PBX3: variants seen among roughly 807,000 people sequenced by gnomAD.
PBX3 encodes the protein PBX homeobox 3, also known as pre-B-cell leukemia transcription factor 3.
In PBX3, 14 loss-of-function variants were observed where a neutral mutation model predicts 48.5. That is an observed-to-expected ratio of 0.29 (90% CI 0.19 to 0.45). The LOEUF is 0.45. Among genes scored for constraint, PBX3 ranks in the 20% least tolerant of loss-of-function variants. The pLI, the probability that PBX3 is intolerant of heterozygous loss-of-function variation, is 1.00. For missense variants in PBX3, 386 were observed against 546.7 expected (o/e 0.71, Z 2.93); for synonymous variants, 210 against 200.3 (o/e 1.05, Z -0.41).
At chr9:125,789,266 A>T (rs1837537373) in intron 2 of PBX3, among the ~76,000 whole-genome samples, 1 of 152,222 alleles carries the variant, frequency 6.6e-6, no homozygotes, top group South Asian at 2.1e-4. Flanking sequence ...AGTGACTGAA[A>T]ACAGCAAACA....
At chr9:125,813,812 A>G (rs1838370396) in intron 2 of PBX3, among the ~76,000 whole-genome samples, 1 of 149,456 alleles carries the variant, frequency 6.7e-6, no homozygotes, top group Non-Finnish European at 1.5e-5. Context: ...GCTCATTGCT[A>G]TTAGGTATCA....
chr9:125,866,230 A>G (rs1252036413), intron 2 of PBX3, among the ~76,000 whole-genome samples: 2 of 152,170 alleles, frequency 1.3e-5, no homozygotes, highest in Non-Finnish European at 2.9e-5. Flanking sequence ...TTAGCAAGTC[A>G]TTCTATGTCA....
At chr9:125,876,510 T>C (rs569945505) in intron 2 of PBX3, among the ~76,000 whole-genome samples, 11 of 152,314 alleles carry the variant, frequency 7.2e-5, no homozygotes, top group African/African-American at 2.6e-4. Context: ...AAATATATTT[T>C]CTCTTCCTTG....
chr9:125,762,287 T>G (rs1419910712), intron 2 of PBX3, among the ~76,000 whole-genome samples: 2 of 152,178 alleles, frequency 1.3e-5, no homozygotes, highest in African/African-American at 2.4e-5. Flanking sequence ...GTTAACTGAT[T>G]GCAAGAAGTG....
chr9:125,962,058 G>C (rs769737068), intron 6 of PBX3, 44 bp from the exon 7 acceptor site: 1 of 962,970 alleles, frequency 1.0e-6, no homozygotes, highest in South Asian at 1.3e-5. Flanking sequence ...AGGATTATGT[G>C]TGTAGCTCTC....
At chr9:125,963,182 C>A in intron 8 of PBX3, 81 bp downstream of exon 8, 1 of 701,628 alleles carries the variant, frequency 1.4e-6, no homozygotes, top group South Asian at 2.4e-5. Context: ...GCCATTTGAC[C>A]TGGCTTCTCA....
intron 2 of PBX3, among the ~76,000 whole-genome samples, chr9:125,837,010 C>T (rs1236372340): frequency 6.6e-6 from 1 of 152,178 alleles, no homozygotes; most frequent in Non-Finnish European, 1.5e-5. Flanking sequence ...ATGCTTTGTC[C>T]TAGCAATTGC....
intron 4 of PBX3, among the ~76,000 whole-genome samples, chr9:125,934,517 T>C (rs577216690): frequency 6.6e-6 from 1 of 152,310 alleles, no homozygotes; most frequent in South Asian, 2.1e-4. Flanking sequence ...CAAATATAAA[T>C]GACATTTTTG....
intron 2 of PBX3, among the ~76,000 whole-genome samples, chr9:125,834,453 A>G (rs919098203): frequency 6.6e-6 from 1 of 151,734 alleles, no homozygotes; most frequent in African/African-American, 2.4e-5. Context: ...GCTGGAGTGC[A>G]ATGGCTTGAT....
chr9:125,833,096 G>A (rs932129641), intron 2 of PBX3, among the ~76,000 whole-genome samples: 13 of 152,148 alleles, frequency 8.5e-5, no homozygotes, highest in African/African-American at 2.9e-4. Flanking sequence ...TTATTCTTGG[G>A]TGCTAATTAT....
intron 2 of PBX3, among the ~76,000 whole-genome samples, chr9:125,914,227 A>G (rs915821784): frequency 3.3e-5 from 5 of 152,196 alleles, no homozygotes; most frequent in Non-Finnish European, 4.4e-5. Flanking sequence ...TTGTCTTAGT[A>G]TATTATAGTT....
intron 2 of PBX3, among the ~76,000 whole-genome samples, chr9:125,838,952 A>T (rs1423513376): frequency 6.6e-6 from 1 of 152,308 alleles, no homozygotes; most frequent in East Asian, 1.9e-4. Context: ...GGTAGAGGAA[A>T]AAGTGAAGGC....
chr9:125,856,163 G>A (rs189916190), intron 2 of PBX3, among the ~76,000 whole-genome samples: 126 of 152,030 alleles, frequency 8.3e-4, no homozygotes, highest in African/African-American at 2.8e-3. Context: ...TCATAAATAC[G>A]AACAATCTCA....
intron 2 of PBX3, among the ~76,000 whole-genome samples, chr9:125,889,846 C>A (rs1395720163): frequency 2.0e-5 from 3 of 147,960 alleles, no homozygotes; most frequent in Non-Finnish European, 4.5e-5. Flanking sequence ...CTCCGCGCTG[C>A]GAGAACAATG....
chr9:125,951,809 T>G (rs1842201388), intron 5 of PBX3, among the ~76,000 whole-genome samples: 1 of 152,180 alleles, frequency 6.6e-6, no homozygotes, highest in Non-Finnish European at 1.5e-5. Flanking sequence ...TCAAACCCAT[T>G]TATCCAGCTG....
At chr9:125,933,655 T>C (rs1355323097) in intron 4 of PBX3, among the ~76,000 whole-genome samples, 2 of 152,036 alleles carry the variant, frequency 1.3e-5, no homozygotes, top group Non-Finnish European at 2.9e-5. Context: ...CAAGGAGGGT[T>C]GGAGCAGGCA....
chr9:125,759,991 C>T lies in PBX3; in HGVS notation c.274+11368C>T, dbSNP rs1564640632. Among the ~76,000 whole-genome samples the T allele has an allele frequency of 6.6e-6, 1 of 152,170 alleles. No homozygotes were observed. Among genetic ancestry groups the T allele is most frequent in the Non-Finnish European group, 1.5e-5 (1 of 68,010 alleles). On this transcript the variant is annotated intron_variant, in intron 2 of 8. Transcript: ENST00000373489. The surrounding 1 kb of genome is among the most constrained non-coding windows in gnomAD (Gnocchi z 4.2). ...CAAGTGCCGCTGAGCAGCTCTGCTC[C>T]ATCAGTTGCCTCAGAGCAAGAACTC...
chr9:125,854,386 C>G (rs1839666081), intron 2 of PBX3, among the ~76,000 whole-genome samples: 1 of 152,050 alleles, frequency 6.6e-6, no homozygotes, highest in Admixed American at 6.6e-5. Context: ...CTTCCTGCCT[C>G]TGCCTCTCGA....
intron 2 of PBX3, among the ~76,000 whole-genome samples, chr9:125,858,553 A>T (rs749823285): frequency 3.9e-5 from 6 of 152,080 alleles, no homozygotes; most frequent in Non-Finnish European, 5.9e-5. Flanking sequence ...TTCCATTCAA[A>T]AGTGGTATTT....
Sources: allele counts gnomAD v4.1 joint callset (sites outside exome capture counted in the v4.1 genomes callset), GRCh38; gene constraint gnomAD v4.1.1; non-coding constraint Gnocchi (gnomAD v3.1); transcripts MANE v1.5; gene names NCBI Gene and HGNC (gene_info 2026-07-23, HGNC 2026-07-21).